The following PKNOX2 variants were observed in gnomAD, a reference collection of about 807,000 sequenced individuals.
PKNOX2 encodes homeobox protein PKNOX2.
In PKNOX2, 14 loss-of-function variants were observed where a neutral mutation model predicts 53.1. That is an observed-to-expected ratio of 0.26 (90% confidence interval 0.17 to 0.41). The LOEUF (loss-of-function observed/expected upper bound fraction) is 0.41. PKNOX2 is among the 10% of genes least tolerant of loss of function. The pLI is 1.00. For synonymous variants in PKNOX2, 257 were observed against 242.8 expected (o/e 1.06, Z -0.54); for missense variants, 496 against 602.8 (o/e 0.82, Z 1.85).
chr11:125,315,232 ATAACTAATCAGAGTCCTCAT>A (rs1343588111), intron 2 of PKNOX2, among the ~76,000 whole-genome samples: 1 of 150,956 alleles, frequency 6.6e-6, no homozygotes, highest in Non-Finnish European at 1.5e-5. Context: ...AGAAATCCGA[ATAACTAATCAGAGTCCTCAT>A]TAACCCCCTG....
intron 1 of PKNOX2, among the ~76,000 whole-genome samples, chr11:125,222,738 T>TG (rs1402029616): frequency 8.0e-5 from 12 of 150,768 alleles, no homozygotes; most frequent in African/African-American, 2.9e-4. Flanking sequence ...TGTGTGTGTG[T>TG]CTGTGTCTGT....
intron 3 of PKNOX2, among the ~76,000 whole-genome samples, chr11:125,348,207 T>G (rs1951097246): frequency 6.6e-6 from 1 of 152,138 alleles, no homozygotes; most frequent in African/African-American, 2.4e-5. Context: ...CTCTCCAGGA[T>G]GGTTGCACGT....
intron 4 of PKNOX2, 146 bp from the exon 5 acceptor site, chr11:125,367,700 A>G (rs1159331042): frequency 1.2e-6 from 1 of 807,594 alleles, no homozygotes; most frequent in African/African-American, 1.8e-5. Context: ...ACACGTACGA[A>G]TGGATGCTCA....
At chr11:125,295,633 GTAGACCC>G (rs2135932396) in intron 2 of PKNOX2, among the ~76,000 whole-genome samples, 1 of 152,316 alleles carries the variant, frequency 6.6e-6, no homozygotes, top group East Asian at 1.9e-4. Context: ...CCAGAATAGG[GTAGACCC>G]TAGTGTCAGG....
intron 7 of PKNOX2, among the ~76,000 whole-genome samples, chr11:125,403,845 A>G (rs2135494597): frequency 6.6e-6 from 1 of 152,292 alleles, no homozygotes; most frequent in South Asian, 2.1e-4. Flanking sequence ...AGAGGTACAA[A>G]GTTGAGGACA....
chr11:125,216,381 G>A (rs930256929), intron 1 of PKNOX2, among the ~76,000 whole-genome samples: 2 of 152,132 alleles, frequency 1.3e-5, no homozygotes, highest in Admixed American at 6.5e-5. Context: ...GGGGTAAGTT[G>A]CTCTTGCCTC....
At position 125,431,430 on chromosome 11, in the gene PKNOX2, A is replaced by G. The variant is rs996436234; in HGVS notation, c.*38A>G. 11 of 907,402 alleles carry G rather than the reference A, an allele frequency of 1.2e-5. No individual in the cohort carries two copies. Among genetic ancestry groups the G allele is most frequent in the Non-Finnish European group, 1.4e-5 (10 of 708,236 alleles). 56.2% of individuals were successfully genotyped at this position (907,402 alleles called of 1,614,324 possible). ...GATGGCACTGATCACTGAGCAGGAG[A>G]GGAGTGTCGCCGGGAGGCCTTCAGG... On this transcript the variant is annotated 3_prime_UTR_variant, in exon 13 of 13. Coordinates refer to ENST00000298282, the MANE Select transcript of PKNOX2 (RefSeq NM_001382323.2).
At chr11:125,221,024 G>A (rs558837912) in intron 1 of PKNOX2, among the ~76,000 whole-genome samples, 66 of 152,224 alleles carry the variant, frequency 4.3e-4, no homozygotes, top group Admixed American at 2.9e-3. Flanking sequence ...ATGAAGTGGC[G>A]GGCACCTGTA....
At chr11:125,219,299 G>T (rs1472996638) in intron 1 of PKNOX2, among the ~76,000 whole-genome samples, 1 of 151,942 alleles carries the variant, frequency 6.6e-6, no homozygotes, top group Non-Finnish European at 1.5e-5. Context: ...TTAGCTGGAG[G>T]TGGTGGCGCA....
intron 2 of PKNOX2, among the ~76,000 whole-genome samples, chr11:125,303,597 C>T (rs1345669279): frequency 1.3e-5 from 2 of 152,214 alleles, no homozygotes; most frequent in African/African-American, 4.8e-5. Flanking sequence ...TTCCCCGGCT[C>T]CATGACTCCA....
At chr11:125,239,371 C>T (rs1053643683) in intron 2 of PKNOX2, among the ~76,000 whole-genome samples, 1 of 152,200 alleles carries the variant, frequency 6.6e-6, no homozygotes, top group Admixed American at 6.5e-5. Context: ...ACCCTTCACC[C>T]CAGTGACCCC....
rs774563329 is a variant in PKNOX2, at chr11:125,410,243, C to T, written c.636C>T (p.Asn212=). The change falls in exon 8 of 13, where the codon AAC becomes AAT. Residue 212 remains asparagine (N), a synonymous_variant. Transcript: ENST00000298282. The part of the protein sequence containing the change: ...SPNSMSGVSN[N]PQGIVVPASA... ...ATTCCATGTCCGGAGTCTCCAATAA[C>T]CCCCAGGGGATTGTGGTCCCAGCCT... The T allele has an allele frequency of 4.3e-6, 7 of 1,614,072 alleles. No individual in the cohort carries two copies. The Admixed American group carries it at 6.7e-5, about 15-fold the overall frequency.
intron 1 of PKNOX2, among the ~76,000 whole-genome samples, chr11:125,214,785 TTC>T (rs1437362679): frequency 2.0e-5 from 3 of 152,112 alleles, no homozygotes; most frequent in African/African-American, 7.2e-5. Flanking sequence ...TTTCTCTCTC[TTC>T]TCTCTCCTCC....
At chr11:125,224,140 G>A (rs569357573) in intron 1 of PKNOX2, among the ~76,000 whole-genome samples, 3 of 152,338 alleles carry the variant, frequency 2.0e-5, no homozygotes, top group East Asian at 1.9e-4. Context: ...TGTCTCAGGC[G>A]GACCTTCCTG....
At chr11:125,318,211 A>T (rs893609453) in intron 2 of PKNOX2, among the ~76,000 whole-genome samples, 3 of 151,488 alleles carry the variant, frequency 2.0e-5, no homozygotes, top group African/African-American at 7.3e-5. Context: ...GGTTCAAGTG[A>T]TTATCCTGCC....
At chr11:125,277,921 T>C (rs539546436) in intron 2 of PKNOX2, among the ~76,000 whole-genome samples, 1 of 152,298 alleles carries the variant, frequency 6.6e-6, no homozygotes, top group African/African-American at 2.4e-5. Flanking sequence ...GTGCAATTTT[T>C]TTTTAAAGAG....
chr11:125,197,107 C>T (rs924202311), intron 1 of PKNOX2, among the ~76,000 whole-genome samples: 5 of 152,224 alleles, frequency 3.3e-5, no homozygotes, highest in South Asian at 2.1e-4. Flanking sequence ...CTGTTGGAGT[C>T]GGCCCCAGCC....
At chr11:125,189,445 GTGTATATATATATATATATATA>G (rs1361933503) in intron 1 of PKNOX2, among the ~76,000 whole-genome samples, 6 of 50,582 alleles carry the variant, frequency 1.2e-4, no homozygotes, top group Non-Finnish European at 1.5e-4. Flanking sequence ...GTGTGTGTGT[GTGTATATATATATATATATATA>G]TATATATATA....
intron 8 of PKNOX2, 47 bp from the exon 9 acceptor site, chr11:125,410,732 C>G (rs1591562198): frequency 1.4e-6 from 2 of 1,457,174 alleles, no homozygotes; most frequent in Non-Finnish European, 1.9e-6. Flanking sequence ...GCCCTCGCTC[C>G]TACCCACTCC....
Sources: gnomAD v4.1 joint callset for allele counts (sites outside exome capture counted in the v4.1 genomes callset) on GRCh38, gnomAD v4.1.1 for gene constraint, MANE v1.5 for transcripts, NCBI Gene and HGNC (gene_info 2026-07-23, HGNC 2026-07-21) for gene names.